DCST1: variants seen among roughly 807,000 people sequenced by gnomAD.
The protein encoded by DCST1 is DC-STAMP domain containing 1.
A neutral mutation model predicts 89.1 loss-of-function variants in DCST1; 78 were observed. The observed-to-expected ratio is 0.88, with a 90% CI of 0.73 to 1.06. The LOEUF is 1.06. Among genes scored for constraint, DCST1 ranks in the 50% least tolerant of loss-of-function variants. DCST1 has a pLI of 0.00. For synonymous variants in DCST1, 364 were observed against 371.9 expected (o/e 0.98, Z 0.24); for missense variants, 900 against 928.6 (o/e 0.97, Z 0.40).
intron 8 of DCST1, among the ~76,000 whole-genome samples, chr1:155,042,162 A>C (rs1363818172): frequency 1.3e-5 from 2 of 152,034 alleles, no homozygotes; most frequent in Non-Finnish European, 2.9e-5. Context: ...GCAGTGGCGC[A>C]ATCTCGGCTC....
chr1:155,034,406 G>A, intron 2 of DCST1, 29 bp from the exon 3 acceptor site: 1 of 1,613,672 alleles, frequency 6.2e-7, no homozygotes. Context: ...AGAAGAGTGG[G>A]CTGTTGAGCT....
In DCST1 at chr1:155,034,032, G is replaced by C. The variant is rs1463440663; in HGVS notation, c.-5G>C. 6.2e-7 allele frequency: 1 copy of C among 1,614,074 alleles called. No homozygotes were observed. Among genetic ancestry groups the C allele is most frequent in the African/African-American group, 1.3e-5 (1 of 75,010 alleles). Reference sequence around the variant, plus strand: ...GGATGAGTGGTGCTTCCCCAAAACAGACTCATGGACATTAAACATCATCAG... The same window carrying C: ...GGATGAGTGGTGCTTCCCCAAAACACACTCATGGACATTAAACATCATCAG... On this transcript the variant is annotated 5_prime_UTR_variant, in exon 2 of 17. Transcript: ENST00000295542.
rs1660446314 is a variant in DCST1 at position 155,041,723 on chromosome 1, A to T, written c.758A>T (p.Asn253Ile). Residue 253 changes from asparagine to isoleucine, a missense_variant, in exon 8 of 17, where the codon AAC becomes ATC. Asn to Ile is a moderately radical substitution (Grantham distance 149). Coordinates refer to ENST00000295542, the MANE Select transcript of DCST1 (RefSeq NM_152494.4). Reference protein sequence around the residue: ...KTKLRCSYVVNQAILSCRRWF... With the variant: ...KTKLRCSYVVIQAILSCRRWF... ...TTGCTCCTTCCTACAGATGTGGTGA[A>T]CCAGGCCATACTCAGCTGCCGTCGT... is the stretch of plus-strand genomic sequence containing the variant. 1 of 1,614,198 alleles carries T rather than the reference A, an allele frequency of 6.2e-7. No homozygotes were observed. The highest frequency in any genetic ancestry group is 8.5e-7 in the Non-Finnish European group (1 of 1,180,022).
rs1322080676 is a variant in DCST1 at position 155,043,475 on chromosome 1, C to T, written c.1138C>T (p.Leu380=). The change falls in exon 10 of 17, where the codon CTG becomes TTG. Residue 380 remains leucine (L), a synonymous_variant. Transcript: ENST00000295542. ...GTGGGCCCTGGGGCTGCTGCACGTG[C>T]TGCTCTCCTGCACTTTCCTGCTGGT... is the stretch of plus-strand genomic sequence containing the variant. ...LEWALGLLHV[L]LSCTFLLVLH... is the part of the protein sequence containing the mutation. 1 of 1,607,364 alleles carries T rather than the reference C, an allele frequency of 6.2e-7. No homozygotes were observed.
At chr1:155,037,493 G>C (rs531613575) in intron 4 of DCST1, among the ~76,000 whole-genome samples, 1 of 148,886 alleles carries the variant, frequency 6.7e-6, no homozygotes, top group East Asian at 2.0e-4. Context: ...CCCCAGGCTG[G>C]AATGCAGTGG....
Position 155,042,789 on chromosome 1 carries a change from C to T in DCST1, c.947C>T (p.Thr316Ile). ...RIPVEGNFGQ[T>I]YDSLNQSIRG... The stretch of plus-strand genomic sequence containing the variant: ...CCAGTGGAAGGCAACTTTGGGCAGA[C>T]CTACGACTCCCTCAACCAGTCTATT... Residue 316 changes from threonine to isoleucine, a missense_variant, in exon 9 of 17, where the codon ACC (threonine) becomes ATC (isoleucine). Thr to Ile is a moderately conservative substitution (Grantham distance 89). Transcript: ENST00000295542. 6.2e-7 allele frequency: 1 copy of T among 1,614,172 alleles called. No homozygotes were observed. The highest frequency in any genetic ancestry group is 1.1e-5 in the South Asian group (1 of 91,082).
In DCST1 at chr1:155,041,435, C is replaced by G. The variant is rs1462474585; in HGVS notation, c.570C>G (p.Ile190Met). 6.2e-7 allele frequency: 1 copy of G among 1,613,796 alleles called. No individual in the cohort carries two copies. Among genetic ancestry groups the G allele is most frequent in the African/African-American group, 1.3e-5 (1 of 74,932 alleles). Residue 190 changes from isoleucine to methionine, a missense_variant, in exon 7 of 17, where the codon ATC (isoleucine) becomes ATG (methionine). Physicochemically the swap from Ile to Met is conservative, Grantham distance 10. Coordinates refer to ENST00000295542, the MANE Select transcript of DCST1 (RefSeq NM_152494.4). ...TGCTGAGAGCAGAGACTCGGAACAT[C>G]TCCGCCACTTTTGAGGACCTGGATG... ...KELLRAETRN[I>M]SATFEDLDAQ...
chr1:155,050,494 A>C, intron 16 of DCST1, 123 bp from the exon 17 acceptor site: 1 of 1,368,062 alleles, frequency 7.3e-7, no homozygotes, highest in Admixed American at 2.7e-5. Context: ...TCCTTTGTCC[A>C]ACCCAGCCTC....
chr1:155,049,099 CTCCGG>C, intron 16 of DCST1: 3 of 716,460 alleles, frequency 4.2e-6, no homozygotes, highest in Non-Finnish European at 7.8e-6. Context: ...AGGTGTGGGA[CTCCGG>C]TGCCAGAGGG....
At chr1:155,046,987 G>T (rs1360007121) in intron 13 of DCST1, among the ~76,000 whole-genome samples, 2 of 152,098 alleles carry the variant, frequency 1.3e-5, no homozygotes, top group Non-Finnish European at 2.9e-5. Context: ...CCTGCAACCT[G>T]ACAGCTCTCA....
At position 155,050,647 on chromosome 1, in the gene DCST1, G is replaced by A. The variant is rs756128319; in HGVS notation, c.1900G>A (p.Gly634Ser). ...RHPLADILHR[G>S]CPLLRRWLCR... Reference sequence around the variant, plus strand: ...CCCGCTGGCGGATATCCTGCACCGCGGCTGCCCGCTCCTGCGCCGCTGGCT... The same window carrying A: ...CCCGCTGGCGGATATCCTGCACCGCAGCTGCCCGCTCCTGCGCCGCTGGCT... The change falls in exon 17 of 17, where the codon GGC becomes AGC. Residue 634 changes from glycine (G) to serine (S), a missense_variant. Gly to Ser is a moderately conservative substitution (Grantham distance 56, BLOSUM62 0). Transcript: ENST00000295542. 6.3e-7 allele frequency: 1 copy of A among 1,595,710 alleles called. No homozygotes were observed. Among genetic ancestry groups the A allele is most frequent in the Admixed American group, 1.7e-5 (1 of 59,390 alleles).
At position 155,047,256 on chromosome 1, in the gene DCST1, A is replaced by C; in HGVS notation, c.1556A>C (p.Lys519Thr). The change falls in exon 14 of 17, where the codon AAA (lysine) becomes ACA (threonine). Residue 519 changes from lysine (K) to threonine (T), a missense_variant. Physicochemically the swap from Lys to Thr is moderately conservative, Grantham distance 78. Transcript: ENST00000295542. Reference sequence around the variant, plus strand: ...TCCATGCTAGCCCGGCTTCTTCGAAAAACCATTGGGGCCCTGAACACCTCC... The same window carrying C: ...TCCATGCTAGCCCGGCTTCTTCGAACAACCATTGGGGCCCTGAACACCTCC... ...GDSMLARLLR[K>T]TIGALNTSSE... 6.2e-7 allele frequency: 1 copy of C among 1,614,214 alleles called. No individual in the cohort carries two copies. Among genetic ancestry groups the C allele is most frequent in the Non-Finnish European group, 8.5e-7 (1 of 1,180,034 alleles).
chr1:155,044,480 C>CAAAA (rs57888793), intron 10 of DCST1, among the ~76,000 whole-genome samples: 93 of 62,900 alleles, frequency 1.5e-3, no homozygotes, highest in East Asian at 4.9e-3. Flanking sequence ...GAGCTTGTCT[C>CAAAA]AAAAAAAAAA....
intron 4 of DCST1, among the ~76,000 whole-genome samples, chr1:155,038,492 G>C (rs1012221984): frequency 5.9e-5 from 9 of 152,348 alleles, no homozygotes; most frequent in South Asian, 4.1e-4. Context: ...AGTAAGAGAT[G>C]ATGGGGACTC....
In DCST1 at chr1:155,040,983, T is replaced by G. The variant is rs566029846; in HGVS notation, c.531+359T>G. Among the ~76,000 whole-genome samples, 187 of 151,604 alleles carry G rather than the reference T, an allele frequency of 1.2e-3. 2 individuals are homozygous for G. The South Asian group carries it at 0.013, about 11-fold the overall frequency. ...ATTGGAAGGCTGGAGACTGGGGGTT[T>G]GGGAGAATTGGAGAGCTGGAGAGTT... On this transcript the variant is annotated intron_variant, in intron 6 of 16. Transcript: ENST00000295542.
At chr1:155,039,185 T>C (rs1660354846) in intron 4 of DCST1, among the ~76,000 whole-genome samples, 1 of 152,252 alleles carries the variant, frequency 6.6e-6, no homozygotes, top group Non-Finnish European at 1.5e-5. Flanking sequence ...CATCCCTCTA[T>C]GCCCTTCCAG....
chr1:155,039,557 A>G, intron 5 of DCST1, 26 bp downstream of exon 5: 1 of 1,539,896 alleles, frequency 6.5e-7, no homozygotes. Flanking sequence ...CCAGTGAGTT[A>G]CACTGAAGCA....
chr1:155,046,598 C>CTT (rs1207452562), intron 13 of DCST1, 112 bp downstream of exon 13: 2 of 415,832 alleles, frequency 4.8e-6, no homozygotes, highest in African/African-American at 1.0e-4. Context: ...GTCCTTCTGC[C>CTT]TCTTTTTTTT....
At position 155,048,302 on chromosome 1, in the gene DCST1, T is replaced by TA. The variant is rs1182976064; in HGVS notation, c.1869+133dup. ...CTACTCGAGCCTGGTAAGTTCTTTT[T>TA]ATTTTTTGAGATGGAATCTCACTGT... On this transcript the variant is annotated intron_variant, in intron 16 of 16. Transcript: ENST00000295542. 6.9e-6 allele frequency: 5 copies of TA among 722,874 alleles called. No homozygotes were observed. The African/African-American group carries it at 7.1e-5, about 10-fold the overall frequency. The allele number at this position is 722,874 out of a possible 1,614,324, so 44.8% of individuals were successfully genotyped here.
Sources: gnomAD v4.1 joint callset for allele counts (sites outside exome capture counted in the v4.1 genomes callset) on GRCh38, gnomAD v4.1.1 for gene constraint, MANE v1.5 for transcripts, NCBI Gene and HGNC (gene_info 2026-07-23, HGNC 2026-07-21) for gene names.